The following LIPI variants were observed in gnomAD, a reference collection of about 807,000 sequenced individuals.
LIPI encodes lipase I, also known as lipase member I.
Under a neutral mutation model 50.6 loss-of-function variants are expected in LIPI, and 59 were observed. The ratio of observed to expected loss-of-function variants is 1.16; its 90% confidence interval spans 0.94 to 1.45. LIPI has a LOEUF of 1.45. Ranked by LOEUF, LIPI falls within the 40% of genes most tolerant of loss-of-function variation. LIPI has a pLI of 0.00. For synonymous variants in LIPI, 203 were observed against 178.2 expected, an observed-to-expected ratio of 1.14 and a Z score of -1.11; for missense variants, 586 against 536.3, an observed-to-expected ratio of 1.09 and a Z score of -0.92.
chr21:14,141,665 GCTT>G (rs1343480250), intron 9 of LIPI, among the ~76,000 whole-genome samples: 1 of 151,990 alleles, frequency 6.6e-6, no homozygotes, highest in Non-Finnish European at 1.5e-5. Context: ...GTCCACTTCT[GCTT>G]AAATGACGAA....
chr21:14,142,247 G>A (rs1428738365), intron 9 of LIPI, among the ~76,000 whole-genome samples: 2 of 151,954 alleles, frequency 1.3e-5, no homozygotes, highest in Admixed American at 1.3e-4. Context: ...AACCACCATC[G>A]TACATGTATA....
chr21:14,203,631 C>T (rs892796328), intron 1 of LIPI, among the ~76,000 whole-genome samples: 1 of 151,994 alleles, frequency 6.6e-6, no homozygotes, highest in Non-Finnish European at 1.5e-5. Context: ...GGGAATTGAA[C>T]AATGAGAACA....
chr21:14,117,374 G>T (rs1237282241), intron 9 of LIPI, among the ~76,000 whole-genome samples: 4 of 152,152 alleles, frequency 2.6e-5, no homozygotes, highest in Non-Finnish European at 5.9e-5. Context: ...ACAGAAGAAC[G>T]CTGCAGAGTA....
intron 9 of LIPI, among the ~76,000 whole-genome samples, chr21:14,120,323 C>G (rs2016815754): frequency 6.6e-6 from 1 of 152,198 alleles, no homozygotes; most frequent in South Asian, 2.1e-4. Context: ...GAATAGCTCT[C>G]ACAAGAGCAC....
At chr21:14,201,861 C>A (rs1363431519) in intron 1 of LIPI, among the ~76,000 whole-genome samples, 2 of 151,930 alleles carry the variant, frequency 1.3e-5, no homozygotes, top group Non-Finnish European at 2.9e-5. Context: ...GAAGGAAATA[C>A]AGGGTATTCA....
chr21:14,134,567 C>G (rs949592047), intron 9 of LIPI, among the ~76,000 whole-genome samples: 1 of 152,120 alleles, frequency 6.6e-6, no homozygotes, highest in Non-Finnish European at 1.5e-5. Context: ...GTAGCCAAAA[C>G]AGCATGGTAC....
chr21:14,166,081 C>T (rs985369848), intron 5 of LIPI, among the ~76,000 whole-genome samples: 9 of 152,192 alleles, frequency 5.9e-5, no homozygotes, highest in African/African-American at 1.9e-4. Flanking sequence ...ACATGTGCTT[C>T]CTCAATGACT....
chr21:14,129,809 T>TAA (rs199899861), intron 9 of LIPI, among the ~76,000 whole-genome samples: 1 of 136,416 alleles, frequency 7.3e-6, no homozygotes, highest in South Asian at 2.3e-4. Flanking sequence ...TTTTTTTTTT[T>TAA]AAAAAAAAAA....
intron 4 of LIPI, among the ~76,000 whole-genome samples, chr21:14,174,834 G>A (rs1355813126): frequency 2.0e-5 from 3 of 152,146 alleles, no homozygotes; most frequent in South Asian, 2.1e-4. Flanking sequence ...TTACAGGCGT[G>A]AGCCACCGCA....
At chr21:14,150,182 G>A (rs865806383) in intron 8 of LIPI, among the ~76,000 whole-genome samples, 2 of 152,034 alleles carry the variant, frequency 1.3e-5, no homozygotes, top group African/African-American at 2.4e-5. Context: ...GCAACCTACA[G>A]AACCAACAAG....
chr21:14,197,895 G>A (rs1025747869), intron 1 of LIPI, among the ~76,000 whole-genome samples: 3 of 151,986 alleles, frequency 2.0e-5, no homozygotes, highest in Non-Finnish European at 2.9e-5. Context: ...CCTACAAAGG[G>A]GAGCCATCAG....
intron 9 of LIPI, chr21:14,143,561 T>C (rs2017791302): frequency 6.6e-6 from 1 of 152,084 alleles, no homozygotes; most frequent in Non-Finnish European, 1.5e-5. Flanking sequence ...GAAATAAATA[T>C]ATATAAATAC....
At chr21:14,114,975 A>T (rs530026958) in intron 9 of LIPI, among the ~76,000 whole-genome samples, 4 of 152,332 alleles carry the variant, frequency 2.6e-5, no homozygotes, top group African/African-American at 9.6e-5. Context: ...CAACATCCTT[A>T]AAGAATTGAT....
chr21:14,147,615 CA>C (rs781187740), intron 8 of LIPI, among the ~76,000 whole-genome samples: 1 of 152,142 alleles, frequency 6.6e-6, no homozygotes, highest in Non-Finnish European at 1.5e-5. Flanking sequence ...CTATTCCTAG[CA>C]CAGATCCGGG....
At position 14,152,642 on chromosome 21, in the gene LIPI, A is replaced by C; in HGVS notation, c.1049T>G (p.Met350Arg). Residue 350 changes from methionine (M) to arginine (R), a missense_variant, in exon 8 of 10, where the codon ATG (methionine) becomes AGG (arginine). By Grantham distance (91) the Met-to-Arg change is moderately conservative. Transcript: ENST00000681601. ...VLSIIVPDKT[M>R]MDGSFSFKLL... Reference sequence around the variant, plus strand: ...TTTAAATGAAAACGAGCCATCCATCATAGTTTTATCTGGAACAATTATACT... The same window carrying C: ...TTTAAATGAAAACGAGCCATCCATCCTAGTTTTATCTGGAACAATTATACT... The C allele has an allele frequency of 1.3e-6, 2 of 1,579,720 alleles. No homozygotes were observed. Among genetic ancestry groups the C allele is most frequent in the South Asian group, 1.1e-5 (1 of 90,020 alleles).
At chr21:14,187,081 T>C (rs769523948) in intron 2 of LIPI, among the ~76,000 whole-genome samples, 12 of 152,308 alleles carry the variant, frequency 7.9e-5, no homozygotes, top group African/African-American at 2.4e-4. Flanking sequence ...AGTTCAATAA[T>C]GATTCTCACT....
At chr21:14,165,103 T>TA in intron 6 of LIPI, 120 bp downstream of exon 6, 1 of 732,010 alleles carries the variant, frequency 1.4e-6, no homozygotes, top group Non-Finnish European at 2.4e-6. Flanking sequence ...GATTTTTCCA[T>TA]AAAATGGTCA....
chr21:14,111,494 C>T (rs2016412002), intron 9 of LIPI, among the ~76,000 whole-genome samples: 1 of 151,928 alleles, frequency 6.6e-6, no homozygotes, highest in Non-Finnish European at 1.5e-5. Context: ...AGATTCACCC[C>T]TTATCATATA....
In LIPI at chr21:14,165,203, A is replaced by T. The variant is rs1460038750; in HGVS notation, c.901+20T>A. 1.3e-6 allele frequency: 2 copies of T among 1,545,290 alleles called. No homozygotes were observed. The highest frequency in any genetic ancestry group is 1.8e-6 in the Non-Finnish European group (2 of 1,118,902). On this transcript the variant is annotated intron_variant, in intron 6 of 9. Transcript: ENST00000681601. ...TTCATATTAAATAAGAATGATAGTA[A>T]CTATAATAATCTCTCTTACCCAGCC...
Sources: allele counts gnomAD v4.1 joint callset (sites outside exome capture counted in the v4.1 genomes callset), GRCh38; gene constraint gnomAD v4.1.1; transcripts MANE v1.5; gene names NCBI Gene and HGNC (gene_info 2026-07-23, HGNC 2026-07-21).